SCHIP1: variants seen among roughly 807,000 people sequenced by gnomAD.
SCHIP1 encodes schwannomin-interacting protein 1.
In SCHIP1, 8 loss-of-function variants were observed where a neutral mutation model predicts 29.7. That is an observed-to-expected ratio of 0.27 (90% CI 0.16 to 0.49). The LOEUF is 0.49. Ranked by LOEUF, SCHIP1 falls within the 20% of genes least tolerant of loss-of-function variation. The probability of loss-of-function intolerance (pLI) is 0.99; values close to 1 mark genes in which losing one functional copy is unlikely to be tolerated. For missense variants in SCHIP1, 193 were observed against 294.6 expected, an observed-to-expected ratio of 0.66 and a Z score of 2.52; for synonymous variants, 76 against 94.9, an observed-to-expected ratio of 0.80 and a Z score of 1.16.
chr3:159,583,560 C>T, the SCHIP1 span, among the ~76,000 whole-genome samples: 1 of 152,134 alleles, frequency 6.6e-6, no homozygotes, highest in Non-Finnish European at 1.5e-5. Flanking sequence ...AAAAGGTGCA[C>T]TGTCTCCAAA....
chr3:159,380,760 G>A, the SCHIP1 span, among the ~76,000 whole-genome samples: 8 of 152,248 alleles, frequency 5.3e-5, no homozygotes, highest in Non-Finnish European at 5.9e-5. Context: ...GGCCCAAAGA[G>A]ATTTAGCAAC....
chr3:159,477,114 G>A, the SCHIP1 span, among the ~76,000 whole-genome samples: 47 of 152,096 alleles, frequency 3.1e-4, no homozygotes, highest in African/African-American at 1.1e-3. Flanking sequence ...TGTCACAAAT[G>A]ACAGAATTTT....
chr3:159,570,312 A>AT, the SCHIP1 span, among the ~76,000 whole-genome samples: 2 of 152,046 alleles, frequency 1.3e-5, no homozygotes, highest in Non-Finnish European at 2.9e-5. Context: ...TCTTGAATTA[A>AT]TTTTTTGTAT....
At chr3:159,562,214 T>C in the SCHIP1 span, among the ~76,000 whole-genome samples, 5 of 152,242 alleles carry the variant, frequency 3.3e-5, no homozygotes, top group Non-Finnish European at 5.9e-5. Context: ...GATTATTTAC[T>C]TCCTCTGTTT....
At chr3:159,406,730 A>G in the SCHIP1 span, among the ~76,000 whole-genome samples, 1 of 152,170 alleles carries the variant, frequency 6.6e-6, no homozygotes, top group Non-Finnish European at 1.5e-5. Context: ...AAAAAACAAA[A>G]AGTTAAAAAG....
the SCHIP1 span, among the ~76,000 whole-genome samples, chr3:159,700,424 A>G: frequency 6.6e-6 from 1 of 152,254 alleles, no homozygotes. Context: ...TTGGTGTAAT[A>G]ATACAACTTC....
chr3:159,750,387 T>A, the SCHIP1 span, among the ~76,000 whole-genome samples: 1 of 151,512 alleles, frequency 6.6e-6, no homozygotes, highest in South Asian at 2.1e-4. Flanking sequence ...TGTGGGTACA[T>A]AGTAGGGGTA....
chr3:159,645,583 G>A, the SCHIP1 span, among the ~76,000 whole-genome samples: 7 of 152,122 alleles, frequency 4.6e-5, no homozygotes, highest in African/African-American at 7.2e-5. Context: ...CCCTCTGCGT[G>A]TATTGGTATC....
At chr3:159,374,887 G>T in the SCHIP1 span, among the ~76,000 whole-genome samples, 1 of 152,122 alleles carries the variant, frequency 6.6e-6, no homozygotes, top group Non-Finnish European at 1.5e-5. Context: ...GGTCAAAACT[G>T]CCATGTGTTC....
At chr3:159,504,556 C>A in the SCHIP1 span, among the ~76,000 whole-genome samples, 1 of 152,146 alleles carries the variant, frequency 6.6e-6, no homozygotes, top group Non-Finnish European at 1.5e-5. Flanking sequence ...TGGTTATCTT[C>A]AATCCAAAAA....
chr3:159,735,185 C>T, the SCHIP1 span, among the ~76,000 whole-genome samples: 1 of 151,140 alleles, frequency 6.6e-6, no homozygotes, highest in Non-Finnish European at 1.5e-5. Context: ...TTTTTTGGTT[C>T]TCATAAGGCA....
At chr3:159,530,701 C>G in the SCHIP1 span, among the ~76,000 whole-genome samples, 7 of 152,170 alleles carry the variant, frequency 4.6e-5, no homozygotes, top group African/African-American at 1.4e-4. Context: ...AACAGACAAC[C>G]CATTTCCTGC....
chr3:159,762,935 A>G, the SCHIP1 span, among the ~76,000 whole-genome samples: 2 of 152,146 alleles, frequency 1.3e-5, no homozygotes, highest in South Asian at 2.1e-4. Flanking sequence ...CCTTGATTGG[A>G]GGTGGCGGAA....
At chr3:159,882,468 A>C (rs565721084) in intron 2 of SCHIP1, among the ~76,000 whole-genome samples, 5 of 152,324 alleles carry the variant, frequency 3.3e-5, no homozygotes, top group African/African-American at 1.2e-4. Context: ...GAAAAAAGCA[A>C]GTAGTTCCAG....
At chr3:159,432,323 TGTGTGTGTGTGTGTGTGAGAGAGA>T in the SCHIP1 span, among the ~76,000 whole-genome samples, 53 of 103,900 alleles carry the variant, frequency 5.1e-4, 1 homozygote, top group Non-Finnish European at 7.6e-4. Flanking sequence ...TGTGTGTGTG[TGTGTGTGTGTGTGTGTGAGAGAGA>T]GAGAGAGAGA....
At chr3:159,661,302 C>G in the SCHIP1 span, among the ~76,000 whole-genome samples, 1 of 152,114 alleles carries the variant, frequency 6.6e-6, no homozygotes, top group Non-Finnish European at 1.5e-5. Flanking sequence ...GTTTTAGAGG[C>G]ATTTTCCATG....
chr3:159,414,645 G>A, the SCHIP1 span, among the ~76,000 whole-genome samples: 1 of 152,214 alleles, frequency 6.6e-6, no homozygotes, highest in South Asian at 2.1e-4. Flanking sequence ...AGTACGTATA[G>A]ATGCTCAAAT....
chr3:159,417,192 T>C, the SCHIP1 span, among the ~76,000 whole-genome samples: 1 of 152,184 alleles, frequency 6.6e-6, no homozygotes, highest in Non-Finnish European at 1.5e-5. Flanking sequence ...TCCTGTTCAC[T>C]AATGAGTTCT....
chr3:159,750,453 C>T, the SCHIP1 span, among the ~76,000 whole-genome samples: 1 of 151,718 alleles, frequency 6.6e-6, no homozygotes, highest in African/African-American at 2.4e-5. Flanking sequence ...TACATCAGGT[C>T]CCCTACAAGC....
Sources: gnomAD v4.1 joint callset for allele counts (sites outside exome capture counted in the v4.1 genomes callset) on GRCh38, gnomAD v4.1.1 for gene constraint, MANE v1.5 for transcripts, NCBI Gene and HGNC (gene_info 2026-07-23, HGNC 2026-07-21) for gene names.